HFM1: variants seen among roughly 807,000 people sequenced by gnomAD.
The protein encoded by HFM1 is helicase for meiosis 1, also known as probable ATP-dependent DNA helicase HFM1.
In HFM1, 169 loss-of-function variants were observed where a neutral mutation model predicts 192.1. The ratio of observed to expected loss-of-function variants is 0.88; its 90% CI spans 0.78 to 1.00. The LOEUF is 1.00. Ranked by LOEUF, HFM1 falls within the 50% of genes least tolerant of loss-of-function variation. HFM1 has a pLI of 0.00. For missense variants in HFM1, 1,661 were observed against 1,668.0 expected, an observed-to-expected ratio of 1.00 and a Z score of 0.07; for synonymous variants, 525 against 537.8, an observed-to-expected ratio of 0.98 and a Z score of 0.33.
intron 30 of HFM1, among the ~76,000 whole-genome samples, chr1:91,295,963 C>T (rs1479769423): frequency 6.6e-6 from 1 of 152,120 alleles, no homozygotes; most frequent in African/African-American, 2.4e-5. Flanking sequence ...CGGAGTCTCA[C>T]TCTGTCACCC....
Position 91,315,946 on chromosome 1 carries a change from T to A in HFM1, c.3009A>T (p.Ala1003=). 1 of 1,591,812 alleles carries A rather than the reference T, an allele frequency of 6.3e-7. No homozygotes were observed. Among genetic ancestry groups the A allele is most frequent in the Non-Finnish European group, 8.6e-7 (1 of 1,160,638 alleles). ...TTAATATAACAGTCACTAATATTTC[T>A]GCCGTCGTATCACTATATCTTGTAA... The part of the protein sequence containing the change: ...EQITRYSDTT[A]EILVTVILRN... Residue 1003 remains alanine (A), a synonymous_variant, in exon 28 of 39, where the codon GCA becomes GCT. Coordinates refer to ENST00000370425, the MANE Select transcript of HFM1 (RefSeq NM_001017975.6).
chr1:91,280,320 C>A (rs1209568566), intron 30 of HFM1, among the ~76,000 whole-genome samples: 1 of 152,106 alleles, frequency 6.6e-6, no homozygotes, highest in Admixed American at 6.6e-5. Context: ...AAGCATGGCA[C>A]ATTGGGGAAA....
chr1:91,404,858 C>T (rs1227411677), upstream of HFM1: 2 of 455,302 alleles, frequency 4.4e-6, no homozygotes, highest in Non-Finnish European at 8.8e-6. Flanking sequence ...CTGAGGACCG[C>T]CAAGCCTGGC....
chr1:91,313,062 CCT>C (rs1030738824), intron 30 of HFM1, among the ~76,000 whole-genome samples: 3 of 152,146 alleles, frequency 2.0e-5, no homozygotes, highest in African/African-American at 7.2e-5. Context: ...TCCAATTAAA[CCT>C]CTTTTTCTTC....
At position 91,370,144 on chromosome 1, in the gene HFM1, C is replaced by G. The variant is rs916163551; in HGVS notation, c.1685+5214G>C. On this transcript the variant is annotated intron_variant, in intron 13 of 38. Coordinates refer to ENST00000370425, the MANE Select transcript of HFM1 (RefSeq NM_001017975.6). ...GTCCAGGACCAGATGGATTCACAGC[C>G]GAATTCTACCAGAGGTACAAGGAGG... Among the ~76,000 whole-genome samples the G allele has an allele frequency of 2.4e-4, 36 of 152,100 alleles. 1 individual carries two copies. Among genetic ancestry groups the G allele is most frequent in the African/African-American group, 8.7e-4 (36 of 41,418 alleles).
chr1:91,273,557 A>C (rs1276915341), intron 34 of HFM1, among the ~76,000 whole-genome samples, 155 bp downstream of exon 34: 3 of 152,082 alleles, frequency 2.0e-5, no homozygotes, highest in African/African-American at 7.2e-5. Flanking sequence ...TAACAGACCC[A>C]AGAATTTGAA....
intron 20 of HFM1, among the ~76,000 whole-genome samples, chr1:91,333,041 G>C (rs1654055775): frequency 6.6e-6 from 1 of 152,182 alleles, no homozygotes; most frequent in Non-Finnish European, 1.5e-5. Context: ...GAATAGTTTG[G>C]AGGTTCCTCA....
intron 3 of HFM1, 43 bp downstream of exon 3, chr1:91,396,250 A>G: frequency 1.1e-6 from 1 of 934,092 alleles, no homozygotes; most frequent in South Asian, 1.6e-5. Context: ...TATTGCCATG[A>G]ACTGTATGGG....
In HFM1 at chr1:91,319,264, A is replaced by G. The variant is rs771207110; in HGVS notation, c.2680+29T>C. ...AATATACCAGTTTATTGGAAAAAAT[A>G]TTTAAAATCCACTAATCCTGTAACA... On this transcript the variant is annotated intron_variant, in intron 24 of 38. Coordinates refer to ENST00000370425, the MANE Select transcript of HFM1 (RefSeq NM_001017975.6). The G allele has an allele frequency of 4.4e-6, 7 of 1,604,480 alleles. No individual in the cohort carries two copies. In the South Asian group the frequency reaches 6.7e-5, roughly 15 times the overall value.
chr1:91,317,121 T>C (rs749729460), intron 25 of HFM1, among the ~76,000 whole-genome samples: 3 of 152,112 alleles, frequency 2.0e-5, no homozygotes, highest in African/African-American at 2.4e-5. Flanking sequence ...ATTCCTTAAA[T>C]ACATCAAATT....
intron 30 of HFM1, among the ~76,000 whole-genome samples, chr1:91,283,781 G>T (rs940669308): frequency 6.6e-6 from 1 of 151,878 alleles, no homozygotes; most frequent in African/African-American, 2.4e-5. Context: ...CAGGTGGCGG[G>T]GCAAGGGTCA....
At chr1:91,363,648 C>T (rs1251702303) in intron 13 of HFM1, among the ~76,000 whole-genome samples, 1 of 152,026 alleles carries the variant, frequency 6.6e-6, no homozygotes, top group Non-Finnish European at 1.5e-5. Context: ...AGACCTACAA[C>T]CAGAAATACC....
intron 18 of HFM1, among the ~76,000 whole-genome samples, chr1:91,350,170 G>GC (rs371412277): frequency 6.6e-5 from 10 of 152,086 alleles, no homozygotes; most frequent in African/African-American, 2.2e-4. Context: ...AGATCTGAAA[G>GC]TTTTGAACCT....
chr1:91,364,001 T>TATGGAGGGGAACACATTGGGAC (rs1482485325), intron 13 of HFM1, among the ~76,000 whole-genome samples: 174 of 152,024 alleles, frequency 1.1e-3, no homozygotes, highest in African/African-American at 4.1e-3. Flanking sequence ...CACATGGACA[T>TATGGAGGGGAACACATTGGGAC]ATGGAGGGGA....
At chr1:91,351,073 G>A (rs1159395918) in intron 17 of HFM1, among the ~76,000 whole-genome samples, 1 of 151,998 alleles carries the variant, frequency 6.6e-6, no homozygotes, top group African/African-American at 2.4e-5. Flanking sequence ...CTCTATGGCT[G>A]TAGAAGACAG....
intron 30 of HFM1, among the ~76,000 whole-genome samples, chr1:91,309,114 C>G (rs771102340): frequency 2.0e-5 from 3 of 152,166 alleles, no homozygotes; most frequent in Non-Finnish European, 4.4e-5. Context: ...CAGAATAGTT[C>G]TAAATGCGTT....
rs1289698213 is a variant in HFM1 at position 91,346,220 on chromosome 1, C to T, written c.2254+1209G>A. On this transcript the variant is annotated intron_variant, in intron 19 of 38. Transcript: ENST00000370425. The stretch of plus-strand genomic sequence containing the variant: ...TTGCTAACCCTATACTGACTGAAGA[C>T]AAGGCAAGTATGAGCTGTGATTCTG... 2.0e-5 allele frequency among the ~76,000 whole-genome samples: 3 copies of T among 152,112 alleles called. No homozygotes were observed. The East Asian group carries it at 5.8e-4, about 29-fold the overall frequency.
chr1:91,312,215 T>C (rs1650569540), intron 30 of HFM1, among the ~76,000 whole-genome samples: 2 of 152,016 alleles, frequency 1.3e-5, no homozygotes, highest in Non-Finnish European at 1.5e-5. Context: ...TGCTGCCTAG[T>C]GGAGCTGTGA....
At chr1:91,296,488 A>T (rs1489536869) in intron 30 of HFM1, among the ~76,000 whole-genome samples, 1 of 151,918 alleles carries the variant, frequency 6.6e-6, no homozygotes, top group African/African-American at 2.4e-5. Flanking sequence ...GTTTGCCCTG[A>T]CTACCCTGTC....
Sources: gnomAD v4.1 joint callset for allele counts (sites outside exome capture counted in the v4.1 genomes callset) on GRCh38, gnomAD v4.1.1 for gene constraint, MANE v1.5 for transcripts, NCBI Gene and HGNC (gene_info 2026-07-23, HGNC 2026-07-21) for gene names.